The following TRMT9B variants were observed in gnomAD, a reference collection of about 807,000 sequenced individuals.
The protein encoded by TRMT9B is tRNA methyltransferase 9B (putative), also known as probable tRNA methyltransferase 9B.
Under a neutral mutation model 11.5 loss-of-function variants are expected in TRMT9B, and 16 were observed. That is an observed-to-expected ratio of 1.39 (90% confidence interval 0.94 to 2.11). The LOEUF (loss-of-function observed/expected upper bound fraction) is 2.11. Ranked by LOEUF, TRMT9B falls within the 30% of genes most tolerant of loss-of-function variation. TRMT9B has a pLI of 0.00. For synonymous variants in TRMT9B, 274 were observed against 192.4 expected, an observed-to-expected ratio of 1.42 and a Z score of -3.51; for missense variants, 941 against 553.8, an observed-to-expected ratio of 1.70 and a Z score of -7.02.
chr8:12,975,083 A>G (rs975486511), intron 1 of TRMT9B, among the ~76,000 whole-genome samples: 3 of 151,732 alleles, frequency 2.0e-5, no homozygotes, highest in Admixed American at 1.3e-4. Context: ...AAAATCGATG[A>G]TTGAGAAGAG....
At chr8:13,002,570 C>T (rs1260133199) in intron 2 of TRMT9B, among the ~76,000 whole-genome samples, 1 of 152,128 alleles carries the variant, frequency 6.6e-6, no homozygotes, top group Non-Finnish European at 1.5e-5. Flanking sequence ...GGATTTTTTG[C>T]AGGGGCTGTG....
chr8:12,946,354 A>G (rs1800264350), intron 1 of TRMT9B, among the ~76,000 whole-genome samples: 2 of 152,200 alleles, frequency 1.3e-5, no homozygotes. Flanking sequence ...AATAGAAACA[A>G]TAAGAAGGGA....
intron 1 of TRMT9B, among the ~76,000 whole-genome samples, chr8:12,954,408 G>A (rs1434589635): frequency 1.3e-5 from 2 of 152,072 alleles, no homozygotes; most frequent in African/African-American, 2.4e-5. Context: ...AGACATATTT[G>A]GCACTATACA....
intron 3 of TRMT9B, chr8:13,007,256 G>A (rs895279992): frequency 2.6e-5 from 4 of 152,216 alleles, no homozygotes; most frequent in Admixed American, 1.3e-4. Flanking sequence ...TTCATTATAG[G>A]AGCGCATCTT....
At chr8:13,004,807 G>A (rs1400643144) in intron 2 of TRMT9B, among the ~76,000 whole-genome samples, 2 of 152,064 alleles carry the variant, frequency 1.3e-5, no homozygotes, top group African/African-American at 4.8e-5. Context: ...AGGGGACTTT[G>A]CCTTGCACAT....
At position 12,978,445 on chromosome 8, in the gene TRMT9B, G is replaced by T. The variant is rs190296733; in HGVS notation, c.-199-12389G>T. Among the ~76,000 whole-genome samples the T allele has an allele frequency of 2.9e-3, 443 of 152,146 alleles. 1 individual carries two copies. The highest frequency in any genetic ancestry group is 9.9e-3 in the African/African-American group (412 of 41,460). ...TACCTACAACTGTCTTGGTACATTT[G>T]TTTACCCCTGCATCACTGGCCCAGA... On this transcript the variant is annotated intron_variant, in intron 1 of 4. Coordinates refer to ENST00000524591, the MANE Select transcript of TRMT9B (RefSeq NM_020844.3).
intron 1 of TRMT9B, among the ~76,000 whole-genome samples, chr8:12,965,090 T>G (rs757650795): frequency 5.3e-5 from 8 of 152,240 alleles, no homozygotes; most frequent in Non-Finnish European, 8.8e-5. Context: ...CACATTCTTA[T>G]AGAATACAGT....
At chr8:12,953,230 G>C (rs1036219453) in intron 1 of TRMT9B, among the ~76,000 whole-genome samples, 8 of 38,242 alleles carry the variant, frequency 2.1e-4, no homozygotes, top group African/African-American at 8.4e-4. Context: ...TTCAGGTTAA[G>C]ATTATTGGTA....
chr8:12,975,017 A>G (rs1585158128), intron 1 of TRMT9B, among the ~76,000 whole-genome samples: 1 of 151,686 alleles, frequency 6.6e-6, no homozygotes, highest in Non-Finnish European at 1.5e-5. Context: ...GTCATACATA[A>G]GCAGTTTTTT....
chr8:13,015,099 A>AAAT (rs367779239), intron 4 of TRMT9B, among the ~76,000 whole-genome samples: 8 of 148,922 alleles, frequency 5.4e-5, no homozygotes, highest in African/African-American at 2.0e-4. Flanking sequence ...ATAAATAAAT[A>AAAT]AAATAAAAAG....
intron 2 of TRMT9B, among the ~76,000 whole-genome samples, chr8:13,001,270 C>G (rs1017116192): frequency 1.3e-5 from 2 of 152,142 alleles, no homozygotes; most frequent in African/African-American, 4.8e-5. Context: ...GTCAGTCTCA[C>G]CCATGGACTG....
At chr8:13,014,917 C>T (rs1272941407) in intron 4 of TRMT9B, among the ~76,000 whole-genome samples, 2 of 151,852 alleles carry the variant, frequency 1.3e-5, no homozygotes, top group Admixed American at 1.3e-4. Context: ...AAAAATTAGC[C>T]GGGCATGGTG....
At chr8:12,981,619 A>G (rs776113373) in intron 1 of TRMT9B, among the ~76,000 whole-genome samples, 70 of 151,802 alleles carry the variant, frequency 4.6e-4, no homozygotes, top group Admixed American at 1.2e-3. Context: ...TTTTTGATAG[A>G]AACAGGGTCT....
chr8:12,978,455 G>T (rs990211028), intron 1 of TRMT9B, among the ~76,000 whole-genome samples: 5 of 151,946 alleles, frequency 3.3e-5, no homozygotes, highest in Non-Finnish European at 5.9e-5. Context: ...GTTTACCCCT[G>T]CATCACTGGC....
intron 1 of TRMT9B, among the ~76,000 whole-genome samples, chr8:12,984,600 G>A (rs571937116): frequency 1.3e-5 from 2 of 152,112 alleles, no homozygotes; most frequent in Admixed American, 6.5e-5. Context: ...AGTGCCTTTC[G>A]TATGTAATAG....
chr8:12,962,716 C>G (rs372891066), intron 1 of TRMT9B, among the ~76,000 whole-genome samples: 4 of 152,256 alleles, frequency 2.6e-5, no homozygotes, highest in South Asian at 2.1e-4. Flanking sequence ...GTCTGGAACT[C>G]CTGAGCTCAA....
At chr8:12,997,900 A>G (rs761260431) in intron 2 of TRMT9B, among the ~76,000 whole-genome samples, 1 of 152,124 alleles carries the variant, frequency 6.6e-6, no homozygotes, top group East Asian at 1.9e-4. Context: ...CCATGTTTTC[A>G]CCAACACTAG....
intron 1 of TRMT9B, among the ~76,000 whole-genome samples, chr8:12,989,694 G>C (rs985245363): frequency 6.6e-6 from 1 of 152,182 alleles, no homozygotes. Flanking sequence ...GGCAGGGTAA[G>C]TCCGAACAGA....
Position 12,962,456 on chromosome 8 carries a change from A to ATGAT in TRMT9B, c.-200+16491_-200+16494dup, listed in dbSNP as rs375882612. ...ACAGAAGATTTTCGTTCTCCTTAAG[A>ATGAT]TGATGTGTTCTGGCTTAAATTTTTT... On this transcript the variant is annotated intron_variant, in intron 1 of 4. Transcript: ENST00000524591. Among the ~76,000 whole-genome samples the ATGAT allele has an allele frequency of 6.3e-3, 951 of 152,020 alleles. 6 individuals carry two copies. The highest frequency in any genetic ancestry group is 0.02 in the African/African-American group (842 of 41,486).
Sources: gnomAD v4.1 joint callset for allele counts (sites outside exome capture counted in the v4.1 genomes callset) on GRCh38, gnomAD v4.1.1 for gene constraint, MANE v1.5 for transcripts, NCBI Gene and HGNC (gene_info 2026-07-23, HGNC 2026-07-21) for gene names.